Variants in WRN observed in about 807,000 individuals in gnomAD.
WRN encodes WRN RecQ like helicase, also known as bifunctional 3'-5' exonuclease/ATP-dependent helicase WRN.
In WRN, 149 loss-of-function variants were observed where a neutral mutation model predicts 180.7. That is an observed-to-expected ratio of 0.82 (90% CI 0.72 to 0.94). WRN has a LOEUF of 0.94. Ranked by LOEUF, WRN falls within the 40% of genes least tolerant of loss-of-function variation. The pLI, the probability that WRN is intolerant of heterozygous loss-of-function variation, is 0.00. For synonymous variants in WRN, 548 were observed against 568.9 expected (o/e 0.96, Z 0.52); for missense variants, 1,661 against 1,700.1 (o/e 0.98, Z 0.40).
intron 23 of WRN, among the ~76,000 whole-genome samples, chr8:31,131,160 C>CTTTTTTT (rs71206302): frequency 1.7e-4 from 18 of 106,828 alleles, no homozygotes; most frequent in Admixed American, 5.9e-4. Context: ...TTGCAACTTT[C>CTTTTTTT]TTTTTTTTTG....
chr8:31,128,083 T>TA (rs112773122), intron 23 of WRN, among the ~76,000 whole-genome samples: 120 of 142,002 alleles, frequency 8.5e-4, no homozygotes, highest in African/African-American at 1.2e-3. Context: ...CATCTCTATT[T>TA]AAAAAAAAAA....
chr8:31,039,999 A>T (rs1033200977), intron 1 of WRN, among the ~76,000 whole-genome samples: 2 of 152,224 alleles, frequency 1.3e-5, no homozygotes, highest in Non-Finnish European at 2.9e-5. Flanking sequence ...GTAAAAGGTA[A>T]TATGGCTTGA....
rs1060500060 is a variant in WRN at position 31,100,879 on chromosome 8, A to G, written c.2012A>G (p.His671Arg). The change falls in exon 18 of 35, where the codon CAC becomes CGC. Residue 671 changes from histidine to arginine, a missense_variant. Transcript: ENST00000298139. ...ACGCTCATTGCTGTGGATGAGGCTCACTGTATTTCTGAGTGGGGGCATGAT... is the reference window on the plus strand; with the variant it reads ...ACGCTCATTGCTGTGGATGAGGCTCGCTGTATTTCTGAGTGGGGGCATGAT... ...GITLIAVDEA[H>R]CISEWGHDFR... 2 of 1,613,822 alleles carry G rather than the reference A, an allele frequency of 1.2e-6. No homozygotes were observed. The highest frequency in any genetic ancestry group is 1.7e-6 in the Non-Finnish European group (2 of 1,179,980).
At chr8:31,076,474 T>C (rs1266207914) in intron 8 of WRN, among the ~76,000 whole-genome samples, 187 bp downstream of exon 8, 1 of 152,144 alleles carries the variant, frequency 6.6e-6, no homozygotes, top group East Asian at 1.9e-4. Flanking sequence ...AATCCAAAGG[T>C]TTAAGCCTTT....
At chr8:31,102,109 G>A (rs750434349) in intron 18 of WRN, among the ~76,000 whole-genome samples, 14 of 152,038 alleles carry the variant, frequency 9.2e-5, no homozygotes, top group Non-Finnish European at 1.9e-4. Flanking sequence ...CATGTGTATT[G>A]TTCTATACAG....
intron 13 of WRN, among the ~76,000 whole-genome samples, chr8:31,089,273 A>C (rs914277810): frequency 2.0e-5 from 3 of 152,044 alleles, no homozygotes; most frequent in Non-Finnish European, 4.4e-5. Context: ...TCATTAAACG[A>C]GTGTCTATGT....
At position 31,059,483 on chromosome 8, in the gene WRN, TCAGA is replaced by T. The variant is rs1482104887; in HGVS notation, c.209+222_209+225del. On this transcript the variant is annotated intron_variant, in intron 3 of 34. Coordinates refer to ENST00000298139, the MANE Select transcript of WRN (RefSeq NM_000553.6). ...TTCATTCATAAGCTTTTCTATTACT[TCAGA>T]CAGTTTTTTTTTAACTTTTTTAATA... Among the ~76,000 whole-genome samples, 6 of 152,314 alleles carry T rather than the reference TCAGA, an allele frequency of 3.9e-5. No homozygotes were observed. The South Asian group carries it at 8.3e-4, about 21-fold the overall frequency.
At position 31,124,959 on chromosome 8, in the gene WRN, A is replaced by G. The variant is rs755729832; in HGVS notation, c.2784A>G (p.Gly928=). The stretch of plus-strand genomic sequence containing the variant: ...AACAAGTACAAAAAGCCTCCTTGGG[A>G]ATTATGGGAACTGAAAAATGCTGTG... The part of the protein sequence containing the change: ...EDKQVQKASL[G]IMGTEKCCDN... Residue 928 remains glycine, a synonymous_variant, in exon 23 of 35, where the codon GGA becomes GGG. Coordinates refer to ENST00000298139, the MANE Select transcript of WRN (RefSeq NM_000553.6). The G allele has an allele frequency of 3.1e-6, 5 of 1,613,004 alleles. No individual in the cohort carries two copies. Among genetic ancestry groups the G allele is most frequent in the Non-Finnish European group, 4.2e-6 (5 of 1,179,476 alleles).
At chr8:31,149,159 A>G (rs1376314146) in intron 30 of WRN, among the ~76,000 whole-genome samples, 7 of 152,058 alleles carry the variant, frequency 4.6e-5, no homozygotes, top group African/African-American at 1.7e-4. Flanking sequence ...GGACTTTGGG[A>G]GGCCGAGGCG....
chr8:31,117,665 C>T (rs1220545498), intron 20 of WRN, among the ~76,000 whole-genome samples: 1 of 152,088 alleles, frequency 6.6e-6, no homozygotes, highest in Non-Finnish European at 1.5e-5. Flanking sequence ...TTTTCTGTCC[C>T]ACCGGTCATC....
rs747555501 is a variant in WRN, at chr8:31,100,900, A to G, written c.2033A>G (p.His678Arg). 1.9e-6 allele frequency: 3 copies of G among 1,613,904 alleles called. No individual in the cohort carries two copies. Among genetic ancestry groups the G allele is most frequent in the African/African-American group, 1.3e-5 (1 of 74,894 alleles). The part of the protein sequence containing the change: ...DEAHCISEWG[H>R]DFRDSFRKLG... ...GCTCACTGTATTTCTGAGTGGGGGC[A>G]TGATTTTAGGGATTCATTCAGGAAG... is the stretch of plus-strand genomic sequence containing the variant. The change falls in exon 18 of 35, where the codon CAT (histidine) becomes CGT (arginine). Residue 678 changes from histidine (H) to arginine (R), a missense_variant. His to Arg is a conservative substitution (Grantham distance 29, BLOSUM62 0). Coordinates refer to ENST00000298139, the MANE Select transcript of WRN (RefSeq NM_000553.6).
chr8:31,102,869 T>G (rs997686292), intron 18 of WRN, among the ~76,000 whole-genome samples: 2 of 152,230 alleles, frequency 1.3e-5, no homozygotes, highest in African/African-American at 4.8e-5. Context: ...GTAACTTTAA[T>G]TCATAAACCT....
chr8:31,043,667 T>A (rs1284705640), intron 1 of WRN, among the ~76,000 whole-genome samples: 1 of 152,194 alleles, frequency 6.6e-6, no homozygotes, highest in Non-Finnish European at 1.5e-5. Context: ...TTATTTACTT[T>A]ATTACTTACA....
At chr8:31,170,461 T>C (rs62506105) in intron 34 of WRN, among the ~76,000 whole-genome samples, 6 of 152,202 alleles carry the variant, frequency 3.9e-5, no homozygotes, top group Non-Finnish European at 7.3e-5. Context: ...ACAGGTAAAA[T>C]TGACTTATGA....
chr8:31,064,740 C>T (rs1258968960), intron 4 of WRN, among the ~76,000 whole-genome samples, 175 bp from the exon 5 acceptor site: 2 of 152,094 alleles, frequency 1.3e-5, no homozygotes, highest in African/African-American at 2.4e-5. Context: ...TTTTTCTTGT[C>T]ATTTATCAAT....
chr8:31,165,911 T>G (rs1803838200), intron 33 of WRN, among the ~76,000 whole-genome samples: 2 of 152,166 alleles, frequency 1.3e-5, no homozygotes, highest in African/African-American at 4.8e-5. Flanking sequence ...TTGAGAGATG[T>G]GATCATCACG....
chr8:31,111,130 G>A (rs1801298167), intron 18 of WRN, among the ~76,000 whole-genome samples: 2 of 151,380 alleles, frequency 1.3e-5, no homozygotes, highest in Non-Finnish European at 2.9e-5. Context: ...GATTTGTGAA[G>A]CCATAAACCT....
chr8:31,134,141 TG>T (rs764447504), intron 24 of WRN, among the ~76,000 whole-genome samples: 3 of 152,196 alleles, frequency 2.0e-5, no homozygotes, highest in African/African-American at 7.2e-5. Flanking sequence ...AATAAGGCAT[TG>T]TTTTTTTTTC....
intron 5 of WRN, 65 bp from the exon 6 acceptor site, chr8:31,066,968 A>G: frequency 1.9e-6 from 3 of 1,581,700 alleles, no homozygotes; most frequent in Non-Finnish European, 2.6e-6. Flanking sequence ...TGTTCATTTG[A>G]TATCATTTGG....
Sources: allele counts gnomAD v4.1 joint callset (sites outside exome capture counted in the v4.1 genomes callset), GRCh38; gene constraint gnomAD v4.1.1; transcripts MANE v1.5; gene names NCBI Gene and HGNC (gene_info 2026-07-23, HGNC 2026-07-21).